MUC17: variants seen among roughly 807,000 people sequenced by gnomAD.
The protein encoded by MUC17 is mucin-17.
In MUC17, 190 loss-of-function variants were observed where a neutral mutation model predicts 170.3. That is an observed-to-expected ratio of 1.12 (90% CI 0.99 to 1.26). MUC17 has a LOEUF of 1.26. Among genes scored for constraint, MUC17 ranks in the 50% most tolerant of loss-of-function variants. MUC17 has a pLI of 0.00. For missense variants in MUC17, 6,415 were observed against 5,530.0 expected (o/e 1.16, Z -5.08); for synonymous variants, 2,325 against 2,002.5 (o/e 1.16, Z -4.30).
rs1445941359 is a variant in MUC17, at chr7:101,035,131, C to T, written c.3715C>T (p.Leu1239Phe). The T allele has an allele frequency of 6.2e-7, 1 of 1,610,894 alleles. No individual in the cohort carries two copies. Among genetic ancestry groups the T allele is most frequent in the African/African-American group, 1.3e-5 (1 of 74,640 alleles). The stretch of plus-strand genomic sequence containing the variant: ...AGTGGCCAGTTCTGAGGCTAGCACC[C>T]TTTCAACATCTCCCGTTGACACCAG... ...TPVASSEASTLSTSPVDTSTP... is the reference protein window; with the variant it reads ...TPVASSEASTFSTSPVDTSTP... The change falls in exon 3 of 13, where the codon CTT (leucine) becomes TTT (phenylalanine). Residue 1239 changes from leucine to phenylalanine, a missense_variant. Transcript: ENST00000306151.
rs534020799 is a variant in MUC17 at position 101,038,813 on chromosome 7, C to T, written c.7397C>T (p.Thr2466Met). 165 of 1,609,940 alleles carry T rather than the reference C, an allele frequency of 1.0e-4. No individual in the cohort carries two copies. Among genetic ancestry groups the T allele is most frequent in the Middle Eastern group, 1.7e-4 (1 of 6,038 alleles). The change falls in exon 3 of 13, where the codon ACG (threonine) becomes ATG (methionine). Residue 2466 changes from threonine to methionine, a missense_variant. By Grantham distance (81) the Thr-to-Met change is moderately conservative. Transcript: ENST00000306151. The part of the protein sequence containing the change: ...TPLASMPVST[T>M]PVVSSEAGTL... ...TTAGCAAGTATGCCTGTCAGCACCA[C>T]GCCGGTGGTCAGTTCTGAGGCTGGC...
rs768912295 is a variant in MUC17 at position 101,043,582 on chromosome 7, A to C, written c.12166A>C (p.Thr4056Pro). 2.3e-5 allele frequency: 37 copies of C among 1,614,038 alleles called. No homozygotes were observed. The highest frequency in any genetic ancestry group is 3.1e-5 in the Non-Finnish European group (37 of 1,180,032). Reference protein sequence around the residue: ...TPSSESSRPSTITSHTIPPTF... With the variant: ...TPSSESSRPSPITSHTIPPTF... ...TTCATCAGAATCCAGCAGGCCGTCA[A>C]CAATTACTTCTCACACCATCCCACC... The change falls in exon 3 of 13, where the codon ACA becomes CCA. Residue 4056 changes from threonine to proline, a missense_variant. Transcript: ENST00000306151.
Position 101,043,691 on chromosome 7 carries a change from T to G in MUC17, c.12275T>G (p.Met4092Arg). Residue 4092 changes from methionine (M) to arginine (R), a missense_variant, in exon 3 of 13, where the codon ATG (methionine) becomes AGG (arginine). Met to Arg is a moderately conservative substitution (Grantham distance 91). Coordinates refer to ENST00000306151, the MANE Select transcript of MUC17 (RefSeq NM_001040105.2). ...TTVNPEAVTT[M>R]TTRTKPSTRT... is the part of the protein sequence containing the mutation. ...GTGAACCCTGAGGCTGTCACCACCA[T>G]GACCACCAGGACAAAACCCAGCACA... 6.2e-7 allele frequency: 1 copy of G among 1,614,170 alleles called. No homozygotes were observed. Among genetic ancestry groups the G allele is most frequent in the Non-Finnish European group, 8.5e-7 (1 of 1,180,028 alleles).
At position 101,053,420 on chromosome 7, in the gene MUC17, C is replaced by T. The variant is rs752425035; in HGVS notation, c.13347C>T (p.Gly4449=). 1.2e-6 allele frequency: 2 copies of T among 1,613,428 alleles called. No homozygotes were observed. ...CTCCTGGGACCTTCCAAAACATTGGCTTTGACATCTGCCAAGGTATTGGCC... is the reference window on the plus strand; with the variant it reads ...CTCCTGGGACCTTCCAAAACATTGGTTTTGACATCTGCCAAGGTATTGGCC... ...GPAPGTFQNI[G]FDICQDDDSI... The change falls in exon 11 of 13, where the codon GGC becomes GGT. Residue 4449 remains glycine, a synonymous_variant. Coordinates refer to ENST00000306151, the MANE Select transcript of MUC17 (RefSeq NM_001040105.2).
chr7:101,036,832 G>A lies in MUC17; in HGVS notation c.5416G>A (p.Gly1806Arg). 2 of 1,605,532 alleles carry A rather than the reference G, an allele frequency of 1.2e-6. No homozygotes were observed. The highest frequency in any genetic ancestry group is 2.3e-5 in the East Asian group (1 of 44,302). Residue 1806 changes from glycine to arginine, a missense_variant, in exon 3 of 13, where the codon GGA becomes AGA. Coordinates refer to ENST00000306151, the MANE Select transcript of MUC17 (RefSeq NM_001040105.2). Reference protein sequence around the residue: ...TSIPTSTLSEGMTPLTSTPVS... With the variant: ...TSIPTSTLSERMTPLTSTPVS... ...CATACCAACCTCGACTCTTAGTGAA[G>A]GAATGACTCCATTAACAAGCACACC... is the stretch of plus-strand genomic sequence containing the variant.
Position 101,039,470 on chromosome 7 carries a change from CA to C in MUC17, c.8056del (p.Thr2686LeufsTer9), listed in dbSNP as rs762651628. ...GCTGAAGGTAGCAGCATGCCAACCT[CA>C]ACTCCTGGTGAAAGAAGCACTCCAT... is the stretch of plus-strand genomic sequence containing the variant. Reference protein sequence around the residue: ...TTAEGSSMPTSTPGERSTPLT... With the variant: ...TTAEGSSMPTXTPGERSTPLT... On this transcript the variant is annotated frameshift_variant, in exon 3 of 13. Transcript: ENST00000306151. LOFTEE classifies it high-confidence loss of function. The C allele has an allele frequency of 1.2e-6, 2 of 1,611,554 alleles. No homozygotes were observed. Among genetic ancestry groups the C allele is most frequent in the East Asian group, 2.2e-5 (1 of 44,666 alleles).
chr7:101,033,549 T>A lies in MUC17; in HGVS notation c.2133T>A (p.Thr711=). 6.2e-7 allele frequency: 1 copy of A among 1,613,994 alleles called. No individual in the cohort carries two copies. The highest frequency in any genetic ancestry group is 1.1e-5 in the South Asian group (1 of 91,040). The change falls in exon 3 of 13, where the codon ACT becomes ACA. Residue 711 remains threonine, a synonymous_variant. Coordinates refer to ENST00000306151, the MANE Select transcript of MUC17 (RefSeq NM_001040105.2). ...CTGAGGCTAGCACCCTTTCAACAAC[T>A]CCTGTTGACACCAGCACACCTGTGA... is the stretch of plus-strand genomic sequence containing the variant. ...ASSEASTLST[T]PVDTSTPVTT...
chr7:101,037,203 A>G lies in MUC17; in HGVS notation c.5787A>G (p.Thr1929=). Residue 1929 remains threonine, a synonymous_variant, in exon 3 of 13, where the codon ACA becomes ACG. Coordinates refer to ENST00000306151, the MANE Select transcript of MUC17 (RefSeq NM_001040105.2). ...STPREGRPPL[T]SIPVSTTTVA... is the part of the protein sequence containing the mutation. ...CTAGGGAAGGAAGGCCTCCATTAAC[A>G]AGTATACCTGTCAGCACCACAACAG... 3 of 1,613,046 alleles carry G rather than the reference A, an allele frequency of 1.9e-6. No homozygotes were observed. The highest frequency in any genetic ancestry group is 2.5e-6 in the Non-Finnish European group (3 of 1,179,468).
chr7:101,032,241 T>C lies in MUC17; in HGVS notation c.825T>C (p.Thr275=). Residue 275 remains threonine (T), a synonymous_variant, in exon 3 of 13, where the codon ACT becomes ACC. Coordinates refer to ENST00000306151, the MANE Select transcript of MUC17 (RefSeq NM_001040105.2). ...ACTCAGCTCCTAGTGGAGGAAGCAC[T>C]CCATTAACAAGAATGCCTCTCAGCG... ...LSNSAPSGGS[T]PLTRMPLSVM... 6.2e-7 allele frequency: 1 copy of C among 1,614,062 alleles called. No homozygotes were observed. Among genetic ancestry groups the C allele is most frequent in the South Asian group, 1.1e-5 (1 of 91,076 alleles).
Position 101,032,769 on chromosome 7 carries a change from C to T in MUC17, c.1353C>T (p.Ser451=), listed in dbSNP as rs768407511. The part of the protein sequence containing the change: ...SIATSTPSEG[S]TPLTSMPVST... The stretch of plus-strand genomic sequence containing the variant: ...CAACCTCAACTCCTAGTGAAGGAAG[C>T]ACTCCATTAACAAGTATGCCTGTCA... Residue 451 remains serine (S), a synonymous_variant, in exon 3 of 13, where the codon AGC becomes AGT. Transcript: ENST00000306151. 6.2e-7 allele frequency: 1 copy of T among 1,614,102 alleles called. No homozygotes were observed. Among genetic ancestry groups the T allele is most frequent in the Non-Finnish European group, 8.5e-7 (1 of 1,180,016 alleles).
intron 1 of MUC17, among the ~76,000 whole-genome samples, chr7:101,020,870 G>T (rs1456875137): frequency 6.6e-6 from 1 of 152,136 alleles, no homozygotes; most frequent in Non-Finnish European, 1.5e-5. Context: ...ACCCCGGGGG[G>T]CTCAGAGCAG....
At position 101,033,267 on chromosome 7, in the gene MUC17, C is replaced by A. The variant is rs899877096; in HGVS notation, c.1851C>A (p.Thr617=). ...CATCTTCTACAACTGCTGAAGGTAC[C>A]AGCATGCCAACCTCAACTTACAGTG... ...ASSSSTTAEG[T]SMPTSTYSER... is the part of the protein sequence containing the mutation. The change falls in exon 3 of 13, where the codon ACC becomes ACA. Residue 617 remains threonine (T), a synonymous_variant. Transcript: ENST00000306151. 5.6e-6 allele frequency: 9 copies of A among 1,613,992 alleles called. No homozygotes were observed. The African/African-American group carries it at 1.2e-4, about 22-fold the overall frequency.
In MUC17 at chr7:101,039,282, C is replaced by A. The variant is rs999494620; in HGVS notation, c.7866C>A (p.Ser2622Arg). 5.6e-6 allele frequency: 9 copies of A among 1,613,432 alleles called. No individual in the cohort carries two copies. The highest frequency in any genetic ancestry group is 7.6e-6 in the Non-Finnish European group (9 of 1,179,708). ...SSSPTTAKDT[S>R]MPISTPSEVS... The stretch of plus-strand genomic sequence containing the variant: ...CTCCTACAACTGCAAAAGATACCAG[C>A]ATGCCAATCTCAACTCCTAGTGAAG... The change falls in exon 3 of 13, where the codon AGC becomes AGA. Residue 2622 changes from serine to arginine, a missense_variant. Physicochemically the swap from Ser to Arg is moderately radical, Grantham distance 110. Transcript: ENST00000306151.
In MUC17 at chr7:101,033,727, C is replaced by A. The variant is rs1794365085; in HGVS notation, c.2311C>A (p.Pro771Thr). The A allele has an allele frequency of 4.3e-6, 7 of 1,613,802 alleles. No individual in the cohort carries two copies. The highest frequency in any genetic ancestry group is 5.9e-6 in the Non-Finnish European group (7 of 1,179,750). ...SSEASTLSTTPLDTSTHITTS... is the reference protein window; with the variant it reads ...SSEASTLSTTTLDTSTHITTS... Reference sequence around the variant, plus strand: ...TGAGGCTAGCACCCTTTCAACAACTCCTCTTGACACAAGCACACATATCAC... The same window carrying A: ...TGAGGCTAGCACCCTTTCAACAACTACTCTTGACACAAGCACACATATCAC... The change falls in exon 3 of 13, where the codon CCT (proline) becomes ACT (threonine). Residue 771 changes from proline (P) to threonine (T), a missense_variant. By Grantham distance (38) the Pro-to-Thr change is conservative (BLOSUM62 -1). Transcript: ENST00000306151.
chr7:101,042,075 AG>A lies in MUC17; in HGVS notation c.10660del (p.Ala3554ProfsTer25). ...ACACTTTTGTTACCAGTTCTAGTCA[AG>A]CCAGTTCATCTCCAGCAACTCTTCA... ...SNTFVTSSSQASSSPATLQVT... is the reference protein window; with the variant it reads ...SNTFVTSSSQXSSSPATLQVT... On this transcript the variant is annotated frameshift_variant, in exon 3 of 13. Coordinates refer to ENST00000306151, the MANE Select transcript of MUC17 (RefSeq NM_001040105.2). LOFTEE classifies it high-confidence loss of function. The A allele has an allele frequency of 6.2e-7, 1 of 1,613,970 alleles. No individual in the cohort carries two copies. Among genetic ancestry groups the A allele is most frequent in the Admixed American group, 1.7e-5 (1 of 60,002 alleles).
Position 101,041,403 on chromosome 7 carries a change from C to T in MUC17, c.9987C>T (p.Ser3329=), listed in dbSNP as rs757215504. Residue 3329 remains serine, a synonymous_variant, in exon 3 of 13, where the codon AGC becomes AGT. Coordinates refer to ENST00000306151, the MANE Select transcript of MUC17 (RefSeq NM_001040105.2). The part of the protein sequence containing the change: ...SSSPPIADGT[S]MPTSTYSEGS... ...CTCCTCCAATTGCTGACGGTACTAG[C>T]ATGCCAACCTCAACTTATAGTGAAG... 6.2e-7 allele frequency: 1 copy of T among 1,613,776 alleles called. No homozygotes were observed. Among genetic ancestry groups the T allele is most frequent in the South Asian group, 1.1e-5 (1 of 91,070 alleles).
At chr7:101,045,537 A>G (rs965373384) in intron 3 of MUC17, among the ~76,000 whole-genome samples, 1 of 151,766 alleles carries the variant, frequency 6.6e-6, no homozygotes, top group Non-Finnish European at 1.5e-5. Flanking sequence ...GGGATTACAG[A>G]GCACACCACC....
chr7:101,028,117 A>G (rs1584856186), intron 1 of MUC17, among the ~76,000 whole-genome samples: 4 of 124,260 alleles, frequency 3.2e-5, no homozygotes, highest in South Asian at 2.5e-4. Flanking sequence ...TTTGAGATGG[A>G]GTCTTGCTCC....
At chr7:101,028,765 G>A (rs2116398471) in intron 1 of MUC17, among the ~76,000 whole-genome samples, 1 of 152,158 alleles carries the variant, frequency 6.6e-6, no homozygotes, top group East Asian at 1.9e-4. Context: ...TCTCATGCCT[G>A]TAGTGCCAGC....
Sources: allele counts gnomAD v4.1 joint callset (sites outside exome capture counted in the v4.1 genomes callset), GRCh38; gene constraint gnomAD v4.1.1; transcripts MANE v1.5; gene names NCBI Gene and HGNC (gene_info 2026-07-23, HGNC 2026-07-21).